The following HIPK3 variants were observed in gnomAD, a reference collection of about 807,000 sequenced individuals.
The protein encoded by HIPK3 is homeodomain interacting protein kinase 3, also known as homeodomain-interacting protein kinase 3.
Under a neutral mutation model 124.2 loss-of-function variants are expected in HIPK3, and 47 were observed. That is an observed-to-expected ratio of 0.38 (90% CI 0.30 to 0.48). The LOEUF is 0.48. HIPK3 is among the 20% of genes least tolerant of loss of function. The probability of loss-of-function intolerance (pLI) is 0.98; values close to 1 mark genes in which losing one functional copy is unlikely to be tolerated. For missense variants in HIPK3, 1,286 were observed against 1,454.3 expected (o/e 0.88, Z 1.88); for synonymous variants, 482 against 515.2 (o/e 0.94, Z 0.87).
chr11:33,285,873 G>A (rs1381982305), intron 1 of HIPK3, among the ~76,000 whole-genome samples: 1 of 151,992 alleles, frequency 6.6e-6, no homozygotes, highest in Non-Finnish European at 1.5e-5. Flanking sequence ...CCAGGTTCAA[G>A]CGATTCTCCT....
chr11:33,339,263 A>AT, intron 5 of HIPK3, 87 bp from the exon 6 acceptor site: 2 of 962,220 alleles, frequency 2.1e-6, no homozygotes, highest in Non-Finnish European at 3.2e-6. Flanking sequence ...CTGTGTTGTG[A>AT]TTTTTGTTTT....
chr11:33,346,272 C>T (rs962664344), intron 8 of HIPK3, among the ~76,000 whole-genome samples: 1 of 152,142 alleles, frequency 6.6e-6, no homozygotes, highest in African/African-American at 2.4e-5. Context: ...GGTAATCCTG[C>T]TTTCTAATTT....
intron 5 of HIPK3, 60 bp downstream of exon 5, chr11:33,338,903 A>AG (rs1853244397): frequency 8.4e-7 from 1 of 1,190,480 alleles, no homozygotes; most frequent in African/African-American, 1.5e-5. Context: ...TTGAATGCCA[A>AG]GGGGCCCAAA....
intron 1 of HIPK3, among the ~76,000 whole-genome samples, chr11:33,284,561 AGATGAGAGGATC>A (rs1851497834): frequency 3.9e-5 from 6 of 152,288 alleles, no homozygotes; most frequent in Non-Finnish European, 5.9e-5. Flanking sequence ...TGGGAGCCTG[AGATGAGAGGATC>A]ACTCAGGCCA....
At chr11:33,304,346 T>C (rs575852398) in intron 2 of HIPK3, among the ~76,000 whole-genome samples, 13 of 152,128 alleles carry the variant, frequency 8.5e-5, no homozygotes, top group Non-Finnish European at 1.9e-4. Flanking sequence ...TCACCTGAAT[T>C]CGGGACTTCG....
In HIPK3 at chr11:33,354,958, T is replaced by G. The variant is rs1343016137; in HGVS notation, c.*1390T>G. ...CCATTTCCTATATAAAGGTAGCTAC[T>G]TTTTGCATAGACCTCAAGTATATTG... On this transcript the variant is annotated 3_prime_UTR_variant, in exon 17 of 17. Transcript: ENST00000303296. The G allele has an allele frequency of 6.6e-6, 1 of 152,032 alleles. No homozygotes were observed. The highest frequency in any genetic ancestry group is 1.9e-4 in the East Asian group (1 of 5,204). The allele number at this position is 152,032 out of a possible 1,614,324, so 9.4% of individuals were successfully genotyped here.
intron 1 of HIPK3, among the ~76,000 whole-genome samples, chr11:33,285,318 C>A (rs1232345956): frequency 4.0e-5 from 1 of 25,036 alleles, no homozygotes; most frequent in East Asian, 1.0e-3. Context: ...TTGAAAATTT[C>A]AAATATTTTC....
At chr11:33,281,103 T>C (rs1193192859) in intron 1 of HIPK3, among the ~76,000 whole-genome samples, 1 of 143,090 alleles carries the variant, frequency 7.0e-6, no homozygotes, top group Non-Finnish European at 1.5e-5. Flanking sequence ...AGAGTCTTGC[T>C]CTGTCGCCCA....
intron 16 of HIPK3, among the ~76,000 whole-genome samples, chr11:33,352,790 TAAG>T (rs1361997518): frequency 6.6e-6 from 1 of 152,180 alleles, no homozygotes; most frequent in African/African-American, 2.4e-5. Flanking sequence ...GCTTTACATA[TAAG>T]AAGTGCTCCA....
chr11:33,266,087 C>T (rs1299687949), intron 1 of HIPK3, among the ~76,000 whole-genome samples: 2 of 149,218 alleles, frequency 1.3e-5, no homozygotes, highest in African/African-American at 4.9e-5. Context: ...GAAAACAAAC[C>T]TATTTTATCT....
At chr11:33,317,686 G>A (rs1417585277) in intron 2 of HIPK3, among the ~76,000 whole-genome samples, 1 of 152,144 alleles carries the variant, frequency 6.6e-6, no homozygotes, top group Non-Finnish European at 1.5e-5. Context: ...TACAACTTAG[G>A]TGTGTATCCT....
chr11:33,330,859 T>C (rs904001245), intron 3 of HIPK3, among the ~76,000 whole-genome samples: 8 of 151,524 alleles, frequency 5.3e-5, no homozygotes, highest in African/African-American at 1.9e-4. Flanking sequence ...CTTGTTAAAA[T>C]GTTCACATAT....
At chr11:33,307,653 G>A (rs1018036352) in intron 2 of HIPK3, among the ~76,000 whole-genome samples, 13 of 151,172 alleles carry the variant, frequency 8.6e-5, no homozygotes, top group Admixed American at 4.0e-4. Flanking sequence ...TGATCCGCCC[G>A]CCTCGGCCTC....
intron 1 of HIPK3, among the ~76,000 whole-genome samples, chr11:33,275,402 G>C (rs1245469299): frequency 6.6e-6 from 1 of 151,994 alleles, no homozygotes; most frequent in East Asian, 1.9e-4. Context: ...TAAAATAATA[G>C]AGGTATTTAA....
intron 1 of HIPK3, among the ~76,000 whole-genome samples, chr11:33,271,644 C>T (rs1200680965): frequency 2.6e-5 from 4 of 152,150 alleles, no homozygotes; most frequent in Admixed American, 2.6e-4. Context: ...AACTACTTTG[C>T]AGCCATTTTC....
At chr11:33,278,423 T>G (rs1851326227) in intron 1 of HIPK3, among the ~76,000 whole-genome samples, 1 of 152,092 alleles carries the variant, frequency 6.6e-6, no homozygotes, top group Non-Finnish European at 1.5e-5. Flanking sequence ...TCTCAGGGTT[T>G]GATTGAGATA....
Position 33,339,427 on chromosome 11 carries a change from G to A in HIPK3, c.1506G>A (p.Leu502=). Residue 502 remains leucine (L), a synonymous_variant, in exon 6 of 17, where the codon TTG becomes TTA. Transcript: ENST00000303296. ...KADRREFVSL[L]KKMLLIDADL... ...ATAGAAGAGAATTTGTTAGTCTGTT[G>A]AAGAAAATGTTGCTGATTGATGCAG... 1.2e-6 allele frequency: 2 copies of A among 1,613,542 alleles called. No individual in the cohort carries two copies. Among genetic ancestry groups the A allele is most frequent in the Non-Finnish European group, 1.7e-6 (2 of 1,179,554 alleles).
chr11:33,266,058 CA>C (rs541701602), intron 1 of HIPK3, among the ~76,000 whole-genome samples: 143 of 49,642 alleles, frequency 2.9e-3, no homozygotes, highest in East Asian at 3.9e-3. Context: ...GACTCCATCT[CA>C]AAAAAAAAAA....
chr11:33,343,247 T>TTGTGTG (rs3884092), intron 8 of HIPK3, among the ~76,000 whole-genome samples: 5,766 of 141,396 alleles, frequency 0.041, 222 homozygotes, highest in African/African-American at 0.1. Flanking sequence ...TTATTTGATT[T>TTGTGTG]TGTGTGTGTG....
Sources: allele counts gnomAD v4.1 joint callset (sites outside exome capture counted in the v4.1 genomes callset), GRCh38; gene constraint gnomAD v4.1.1; transcripts MANE v1.5; gene names NCBI Gene and HGNC (gene_info 2026-07-23, HGNC 2026-07-21).